DOCK8: variants seen among roughly 807,000 people sequenced by gnomAD.
The protein encoded by DOCK8 is dedicator of cytokinesis protein 8.
In DOCK8, 141 loss-of-function variants were observed where a neutral mutation model predicts 245.6. That is an observed-to-expected ratio of 0.57 (90% CI 0.50 to 0.66). The LOEUF is 0.66. Ranked by LOEUF, DOCK8 falls within the 30% of genes least tolerant of loss-of-function variation. The pLI is 0.00. For missense variants in DOCK8, 2,965 were observed against 2,603.4 expected, an observed-to-expected ratio of 1.14 and a Z score of -3.02; for synonymous variants, 1,168 against 970.2, an observed-to-expected ratio of 1.20 and a Z score of -3.79.
rs750066621 is a variant in DOCK8, at chr9:465,114, A to G, written c.*895A>G. On this transcript the variant is annotated 3_prime_UTR_variant, in exon 48 of 48. Coordinates refer to ENST00000432829, the MANE Select transcript of DOCK8 (RefSeq NM_203447.4). ...TCAGCATATGTATATCAGCTACAAAATATATTCAACTTTGACTTCTTTTGA... is the reference window on the plus strand; with the variant it reads ...TCAGCATATGTATATCAGCTACAAAGTATATTCAACTTTGACTTCTTTTGA... The G allele has an allele frequency of 6.5e-6, 1 of 152,684 alleles. No individual in the cohort carries two copies. Among genetic ancestry groups the G allele is most frequent in the Non-Finnish European group, 1.5e-5 (1 of 68,054 alleles). 9.5% of individuals were successfully genotyped at this position (152,684 alleles called of 1,614,324 possible). A position where few individuals can be genotyped will look rare whatever the true frequency, so the allele number is the denominator to read the frequency against.
intron 14 of DOCK8, among the ~76,000 whole-genome samples, chr9:356,172 G>A (rs946593804): frequency 6.6e-6 from 1 of 152,162 alleles, no homozygotes; most frequent in African/African-American, 2.4e-5. Flanking sequence ...TGCGAGTTAG[G>A]AAAGATACAT....
At chr9:395,510 G>A (rs920131308) in intron 24 of DOCK8, among the ~76,000 whole-genome samples, 4 of 149,686 alleles carry the variant, frequency 2.7e-5, no homozygotes, top group African/African-American at 1.0e-4. Context: ...GCAAATGTGG[G>A]TGGTTCAACT....
Position 449,874 on chromosome 9 carries a change from G to A in DOCK8, c.5908G>A (p.Ala1970Thr). Residue 1970 changes from alanine (A) to threonine (T), a missense_variant, in exon 45 of 48, where the codon GCA (alanine) becomes ACA (threonine). Physicochemically the swap from Ala to Thr is moderately conservative, Grantham distance 58 (BLOSUM62 0). This residue lies in a region of DOCK8 where 2,825 missense variants were observed against 2,453.5 expected (regional missense o/e 1.15). Coordinates refer to ENST00000432829, the MANE Select transcript of DOCK8 (RefSeq NM_203447.4). Reference sequence around the variant, plus strand: ...TGCCATTAACCAGGAGCCGCCTGATGCAAAGATGCTTCAGATGGTGCTGCA... The same window carrying A: ...TGCCATTAACCAGGAGCCGCCTGATACAAAGATGCTTCAGATGGTGCTGCA... ...AVAINQEPPD[A>T]KMLQMVLQGS... 6.2e-7 allele frequency: 1 copy of A among 1,613,762 alleles called. No homozygotes were observed. Among genetic ancestry groups the A allele is most frequent in the South Asian group, 1.1e-5 (1 of 91,066 alleles).
chr9:325,237 T>C (rs1369334525), intron 7 of DOCK8, among the ~76,000 whole-genome samples: 2 of 152,234 alleles, frequency 1.3e-5, no homozygotes, highest in African/African-American at 4.8e-5. Context: ...ATTAGGTTGG[T>C]TGTTGGTTCC....
At position 253,040 on chromosome 9, in the gene DOCK8, A is replaced by G. The variant is rs139654287; in HGVS notation, c.54-18587A>G. ...AAACTAGCCTTGAACACCTAATTTT[A>G]TTAATATTCTTTTTACACTCCATCC... On this transcript the variant is annotated intron_variant, in intron 1 of 47. Transcript: ENST00000432829. Among the ~76,000 whole-genome samples, 103 of 152,204 alleles carry G rather than the reference A, an allele frequency of 6.8e-4. 1 individual carries two copies. The highest frequency in any genetic ancestry group is 2.4e-3 in the African/African-American group (101 of 41,540).
intron 1 of DOCK8, among the ~76,000 whole-genome samples, chr9:219,963 T>C (rs148961703): frequency 6.0e-3 from 916 of 152,312 alleles, no homozygotes; most frequent in Non-Finnish European, 9.1e-3. Context: ...TACAGAGAGC[T>C]TTCTGAGAAG....
chr9:291,098 A>G (rs891444542), intron 4 of DOCK8, among the ~76,000 whole-genome samples: 3 of 152,256 alleles, frequency 2.0e-5, no homozygotes, highest in Non-Finnish European at 2.9e-5. Context: ...TCAAGTTTTT[A>G]AATGCTATCA....
At chr9:424,141 A>G (rs1444604277) in intron 33 of DOCK8, among the ~76,000 whole-genome samples, 1 of 151,924 alleles carries the variant, frequency 6.6e-6, no homozygotes, top group Non-Finnish European at 1.5e-5. Context: ...TTATAATTAT[A>G]ATAATGGTGT....
intron 12 of DOCK8, among the ~76,000 whole-genome samples, chr9:338,279 G>C (rs1449410258): frequency 1.3e-5 from 2 of 152,186 alleles, no homozygotes; most frequent in Admixed American, 6.5e-5. Flanking sequence ...AGTCTTCGTG[G>C]AGCATTTAAA....
At chr9:251,664 C>T (rs649126) in intron 1 of DOCK8, among the ~76,000 whole-genome samples, 49,024 of 151,990 alleles carry the variant, frequency 0.32, 8,222 homozygotes, top group East Asian at 0.39. Flanking sequence ...TTGTACAAGT[C>T]TCTTAACCTT....
In DOCK8 at chr9:372,231, G is replaced by A; in HGVS notation, c.2054G>A (p.Cys685Tyr). ...LNERLQTGSYCLPVALEKLPP... is the reference protein window; with the variant it reads ...LNERLQTGSYYLPVALEKLPP... ...GAACGTCTTCAAACTGGATCCTACT[G>A]TCTCCCAGTTGCCTTGGAAAAATTG... Residue 685 changes from cysteine to tyrosine, a missense_variant, in exon 18 of 48, where the codon TGT becomes TAT. Cys to Tyr is a radical substitution (Grantham distance 194). Coordinates refer to ENST00000432829, the MANE Select transcript of DOCK8 (RefSeq NM_203447.4). The A allele has an allele frequency of 6.2e-7, 1 of 1,614,058 alleles. No individual in the cohort carries two copies. Among genetic ancestry groups the A allele is most frequent in the Non-Finnish European group, 8.5e-7 (1 of 1,180,018 alleles).
At chr9:259,020 C>T (rs1399738044) in intron 1 of DOCK8, among the ~76,000 whole-genome samples, 1 of 151,246 alleles carries the variant, frequency 6.6e-6, no homozygotes, top group African/African-American at 2.4e-5. Context: ...AAAAAAACAA[C>T]TCTCGGTTGA....
Position 421,004 on chromosome 9 carries a change from T to G in DOCK8, c.4079T>G (p.Val1360Gly). 1 of 1,614,204 alleles carries G rather than the reference T, an allele frequency of 6.2e-7. No homozygotes were observed. The highest frequency in any genetic ancestry group is 8.5e-7 in the Non-Finnish European group (1 of 1,180,024). ...CAAGTCCTGCAGAAGTCAAGGGATG[T>G]CAAGGCCCGGCTGGAAGAGGCTTTG... is the stretch of plus-strand genomic sequence containing the variant. ...STQVLQKSRD[V>G]KARLEEALLR... is the part of the protein sequence containing the mutation. The change falls in exon 32 of 48, where the codon GTC (valine) becomes GGC (glycine). Residue 1360 changes from valine to glycine, a missense_variant. Physicochemically the swap from Val to Gly is moderately radical, Grantham distance 109. Coordinates refer to ENST00000432829, the MANE Select transcript of DOCK8 (RefSeq NM_203447.4).
Position 322,999 on chromosome 9 carries a change from C to G in DOCK8, c.828-2672C>G, listed in dbSNP as rs111992980. Among the ~76,000 whole-genome samples the G allele has an allele frequency of 2.0e-5, 3 of 150,360 alleles. No homozygotes were observed. The East Asian group carries it at 6.0e-4, about 30-fold the overall frequency. ...TCACAGCTGCTAGGGAGGCTGAGGC[C>G]GAAGAATCGCTTGAACCTGGGTGGC... On this transcript the variant is annotated intron_variant, in intron 7 of 47. Transcript: ENST00000432829.
At chr9:214,863 C>A, upstream of DOCK8, 1 of 1,602,554 alleles carries the variant, frequency 6.2e-7, no homozygotes, top group Non-Finnish European at 8.5e-7. Context: ...CCAGCGCCGA[C>A]CGACAGACGA....
At chr9:318,193 G>A (rs748449730) in intron 7 of DOCK8, among the ~76,000 whole-genome samples, 1 of 152,178 alleles carries the variant, frequency 6.6e-6, no homozygotes, top group South Asian at 2.1e-4. Flanking sequence ...TCAAGAATTA[G>A]TTCTCCTTCA....
intron 39 of DOCK8, among the ~76,000 whole-genome samples, chr9:437,252 A>C (rs1263098772): frequency 1.3e-5 from 2 of 152,230 alleles, no homozygotes; most frequent in Non-Finnish European, 2.9e-5. Flanking sequence ...AGCAGAGCTC[A>C]CTGTCATCAC....
At chr9:270,482 T>A (rs2048135850) in intron 1 of DOCK8, among the ~76,000 whole-genome samples, 6 of 152,186 alleles carry the variant, frequency 3.9e-5, no homozygotes, top group Admixed American at 3.9e-4. Context: ...GGAGAATAGA[T>A]GCCAAAGTTG....
At chr9:374,451 G>GTTTT (rs1563980130) in intron 18 of DOCK8, among the ~76,000 whole-genome samples, 2 of 83,592 alleles carry the variant, frequency 2.4e-5, no homozygotes, top group Non-Finnish European at 2.4e-5. Flanking sequence ...TGGTCCTTTT[G>GTTTT]TGTTTTTTTT....
Sources: allele counts gnomAD v4.1 joint callset (sites outside exome capture counted in the v4.1 genomes callset), GRCh38; gene constraint gnomAD v4.1.1; regional missense constraint gnomAD v4.1.1; transcripts MANE v1.5; gene names NCBI Gene and HGNC (gene_info 2026-07-23, HGNC 2026-07-21).